Variants in PDE3A observed in about 807,000 individuals in gnomAD.
PDE3A encodes cGMP-inhibited 3',5'-cyclic phosphodiesterase 3A.
Under a neutral mutation model 98.3 loss-of-function variants are expected in PDE3A, and 43 were observed. The observed-to-expected ratio is 0.44, with a 90% CI of 0.34 to 0.56. The LOEUF (loss-of-function observed/expected upper bound fraction) is 0.56, where lower values mean the gene tolerates loss of function less well. PDE3A is among the 20% of genes least tolerant of loss of function. The pLI is 0.01. For missense variants in PDE3A, 1,427 were observed against 1,440.7 expected, an observed-to-expected ratio of 0.99 and a Z score of 0.15; for synonymous variants, 663 against 567.9, an observed-to-expected ratio of 1.17 and a Z score of -2.38.
chr12:20,607,422 G>C (rs1277367992), intron 2 of PDE3A, among the ~76,000 whole-genome samples: 1 of 145,540 alleles, frequency 6.9e-6, no homozygotes, highest in Non-Finnish European at 1.5e-5. Context: ...GGGTGACAGA[G>C]TGAGACTCCG....
At chr12:20,573,317 G>A (rs965655018) in intron 2 of PDE3A, among the ~76,000 whole-genome samples, 1 of 151,886 alleles carries the variant, frequency 6.6e-6, no homozygotes, top group African/African-American at 2.4e-5. Flanking sequence ...AAGGTTTTGG[G>A]GCATCTCCTG....
At chr12:20,634,389 C>T (rs540954442) in intron 7 of PDE3A, among the ~76,000 whole-genome samples, 6 of 151,918 alleles carry the variant, frequency 3.9e-5, no homozygotes, top group Non-Finnish European at 7.4e-5. Context: ...ACTGAAATGG[C>T]GACAGTGAAG....
At chr12:20,519,402 C>G (rs927313684) in intron 1 of PDE3A, among the ~76,000 whole-genome samples, 1 of 152,080 alleles carries the variant, frequency 6.6e-6, no homozygotes, top group African/African-American at 2.4e-5. Flanking sequence ...GAATTGATTA[C>G]TGACAAATCT....
At chr12:20,673,143 C>T (rs1265609477) in intron 15 of PDE3A, among the ~76,000 whole-genome samples, 1 of 152,160 alleles carries the variant, frequency 6.6e-6, no homozygotes, top group African/African-American at 2.4e-5. Flanking sequence ...ATCAAAACCA[C>T]AATGAGACAC....
In PDE3A at chr12:20,382,421, G is replaced by A. The variant is rs141769921; in HGVS notation, c.960+12177G>A. 1.0e-3 allele frequency among the ~76,000 whole-genome samples: 159 copies of A among 151,954 alleles called. 1 individual carries two copies. The highest frequency in any genetic ancestry group is 3.7e-3 in the African/African-American group (152 of 41,488). On this transcript the variant is annotated intron_variant, in intron 1 of 15. Transcript: ENST00000359062. ...TTATGAACCTATGACATTCATAAAT[G>A]TTTCACTTTGATTTCATTTCTTTGA... is the stretch of plus-strand genomic sequence containing the variant.
At chr12:20,669,703 T>TA (rs1945418482) in intron 15 of PDE3A, among the ~76,000 whole-genome samples, 1 of 151,918 alleles carries the variant, frequency 6.6e-6, no homozygotes, top group Admixed American at 6.6e-5. Context: ...AAGGAAGCAC[T>TA]AAACATGGAA....
intron 1 of PDE3A, among the ~76,000 whole-genome samples, chr12:20,442,980 G>T (rs1196887393): frequency 6.6e-6 from 1 of 151,872 alleles, no homozygotes; most frequent in Non-Finnish European, 1.5e-5. Flanking sequence ...TTTAATGGAG[G>T]TCATGATCAT....
At chr12:20,540,323 A>G (rs1355368153) in intron 1 of PDE3A, among the ~76,000 whole-genome samples, 2 of 152,164 alleles carry the variant, frequency 1.3e-5, no homozygotes, top group African/African-American at 4.8e-5. Flanking sequence ...TAAAAAGTAA[A>G]TTTAGTTAGA....
At chr12:20,442,602 G>A (rs1944887505) in intron 1 of PDE3A, among the ~76,000 whole-genome samples, 2 of 152,124 alleles carry the variant, frequency 1.3e-5, no homozygotes, top group Non-Finnish European at 2.9e-5. Flanking sequence ...GGAGACGCAC[G>A]GAAATACTTA....
chr12:20,671,137 A>G lies in PDE3A; in HGVS notation c.3185-8893A>G, dbSNP rs1667052643. ...ATTCCTCGACACATACACTCTCCCA[A>G]GACTAAACCAGGAAGAAGTTGAATC... On this transcript the variant is annotated intron_variant, in intron 15 of 15. Transcript: ENST00000359062. 2.1e-5 allele frequency among the ~76,000 whole-genome samples: 3 copies of G among 145,838 alleles called. No individual in the cohort carries two copies. In the South Asian group the frequency reaches 6.5e-4, roughly 31 times the overall value.
At chr12:20,468,702 T>A (rs1945385789) in intron 1 of PDE3A, among the ~76,000 whole-genome samples, 1 of 152,172 alleles carries the variant, frequency 6.6e-6, no homozygotes, top group African/African-American at 2.4e-5. Flanking sequence ...TTAACCTAAC[T>A]TCTGTTGAGA....
chr12:20,674,113 C>T (rs1239935731), intron 15 of PDE3A, among the ~76,000 whole-genome samples: 1 of 152,026 alleles, frequency 6.6e-6, no homozygotes, highest in Non-Finnish European at 1.5e-5. Flanking sequence ...TCTTTGTCAG[C>T]TAGTTCATCA....
In PDE3A at chr12:20,577,528, T is replaced by A. The variant is rs540415605; in HGVS notation, c.1011+20818T>A. Among the ~76,000 whole-genome samples the A allele has an allele frequency of 2.6e-5, 4 of 152,334 alleles. No individual in the cohort carries two copies. The South Asian group carries it at 6.2e-4, about 24-fold the overall frequency. On this transcript the variant is annotated intron_variant, in intron 2 of 15. Transcript: ENST00000359062. Reference sequence around the variant, plus strand: ...ATTCAGTTTAATGTGTGTTTTTGTATAATTTGAACAAGGCTGGAAACCAGG... The same window carrying A: ...ATTCAGTTTAATGTGTGTTTTTGTAAAATTTGAACAAGGCTGGAAACCAGG...
intron 1 of PDE3A, among the ~76,000 whole-genome samples, chr12:20,510,080 CATT>C (rs1279138108): frequency 2.0e-5 from 3 of 151,796 alleles, no homozygotes; most frequent in African/African-American, 7.3e-5. Flanking sequence ...TTATGGTAGA[CATT>C]ATTTCATTTA....
At chr12:20,453,833 C>T (rs1945109857) in intron 1 of PDE3A, among the ~76,000 whole-genome samples, 1 of 152,102 alleles carries the variant, frequency 6.6e-6, no homozygotes, top group African/African-American at 2.4e-5. Flanking sequence ...TAGCTAGAGT[C>T]TCACCATTTA....
At chr12:20,484,707 A>G (rs1945694857) in intron 1 of PDE3A, among the ~76,000 whole-genome samples, 1 of 152,196 alleles carries the variant, frequency 6.6e-6, no homozygotes, top group Admixed American at 6.5e-5. Context: ...TAAAACATAC[A>G]CTTTGAAATG....
At chr12:20,618,995 A>T (rs957440344) in intron 4 of PDE3A, among the ~76,000 whole-genome samples, 2 of 152,048 alleles carry the variant, frequency 1.3e-5, no homozygotes, top group East Asian at 1.9e-4. Context: ...CAGCATGAGA[A>T]AACCGTGTAA....
intron 1 of PDE3A, among the ~76,000 whole-genome samples, chr12:20,491,134 A>G (rs1378635983): frequency 6.6e-6 from 1 of 152,174 alleles, no homozygotes; most frequent in African/African-American, 2.4e-5. Context: ...GTCCAAGAAG[A>G]TCAATATGTT....
intron 1 of PDE3A, among the ~76,000 whole-genome samples, chr12:20,540,294 C>T (rs778896009): frequency 1.4e-4 from 22 of 152,096 alleles, no homozygotes; most frequent in African/African-American, 2.4e-4. Context: ...TTCTAATGAA[C>T]GCTGAAATAT....
Sources: allele counts gnomAD v4.1 joint callset (sites outside exome capture counted in the v4.1 genomes callset), GRCh38; gene constraint gnomAD v4.1.1; transcripts MANE v1.5; gene names NCBI Gene and HGNC (gene_info 2026-07-23, HGNC 2026-07-21).